Variants in KIAA0586 observed in about 807,000 individuals in gnomAD.
The protein encoded by KIAA0586 is KIAA0586.
A neutral mutation model predicts 169.8 loss-of-function variants in KIAA0586; 144 were observed. The ratio of observed to expected loss-of-function variants is 0.85; its 90% CI spans 0.74 to 0.97. KIAA0586 has a LOEUF of 0.97. Among genes scored for constraint, KIAA0586 ranks in the 50% least tolerant of loss-of-function variants. The pLI is 0.00. For synonymous variants in KIAA0586, 625 were observed against 612.4 expected, an observed-to-expected ratio of 1.02 and a Z score of -0.30; for missense variants, 1,854 against 1,823.0, an observed-to-expected ratio of 1.02 and a Z score of -0.31.
intron 3 of KIAA0586, among the ~76,000 whole-genome samples, chr14:58,431,211 G>A (rs990332992): frequency 1.3e-5 from 2 of 152,190 alleles, no homozygotes; most frequent in African/African-American, 4.8e-5. Flanking sequence ...TTGCAATGGT[G>A]AAGGTTATCT....
rs531473011 is a variant in KIAA0586, at chr14:58,510,952, T to G, written c.4324-1570T>G. On this transcript the variant is annotated intron_variant, in intron 28 of 30. Coordinates refer to ENST00000652326, the MANE Select transcript of KIAA0586 (RefSeq NM_001329943.3). ...TAATAGCATTTCAGTTATTTTGGGGTGATGGTAGGAGTTAGAGGTGGAAAG... is the reference window on the plus strand; with the variant it reads ...TAATAGCATTTCAGTTATTTTGGGGGGATGGTAGGAGTTAGAGGTGGAAAG... Among the ~76,000 whole-genome samples the G allele has an allele frequency of 2.6e-5, 4 of 151,588 alleles. 1 individual carries two copies.
At chr14:58,455,807 G>A (rs2039787474) in intron 9 of KIAA0586, among the ~76,000 whole-genome samples, 1 of 152,094 alleles carries the variant, frequency 6.6e-6, no homozygotes, top group Non-Finnish European at 1.5e-5. Context: ...CCTCAAGGTC[G>A]GAAGTGAGTG....
At position 58,461,150 on chromosome 14, in the gene KIAA0586, A is replaced by G; in HGVS notation, c.2049A>G (p.Glu683=). Residue 683 remains glutamate, a synonymous_variant, in exon 14 of 31, where the codon GAA becomes GAG. Coordinates refer to ENST00000652326, the MANE Select transcript of KIAA0586 (RefSeq NM_001329943.3). ...GACCACAGAGACCAAAAGTAATAGAACGAGTTAAAGGTAAGGAATCTCATT... is the reference window on the plus strand; with the variant it reads ...GACCACAGAGACCAAAAGTAATAGAGCGAGTTAAAGGTAAGGAATCTCATT... ...KSRPQRPKVI[E]RVKGTKVKSI... 1 of 1,580,796 alleles carries G rather than the reference A, an allele frequency of 6.3e-7. No homozygotes were observed. Among genetic ancestry groups the G allele is most frequent in the African/African-American group, 1.4e-5 (1 of 72,824 alleles).
chr14:58,536,884 C>T (rs2046320697), intron 29 of KIAA0586: 1 of 212,372 alleles, frequency 4.7e-6, no homozygotes, highest in African/African-American at 2.4e-5. Flanking sequence ...AACTCAATTT[C>T]TAGTCAGCAT....
rs763185199 is a variant in KIAA0586, at chr14:58,430,724, G to A, written c.340+7G>A. ...GAGAACAACAAGCAAAAAGGTAAAA[G>A]AATAATATTGATTTTTTTAAATTGT... On this transcript the variant is annotated splice_region_variant and intron_variant, in intron 3 of 30. Coordinates refer to ENST00000652326, the MANE Select transcript of KIAA0586 (RefSeq NM_001329943.3). 1 of 1,511,832 alleles carries A rather than the reference G, an allele frequency of 6.6e-7. No homozygotes were observed. The highest frequency in any genetic ancestry group is 9.1e-7 in the Non-Finnish European group (1 of 1,094,818). The allele number at this position is 1,511,832 out of a possible 1,614,324, so 93.7% of individuals were successfully genotyped here. A position where few individuals can be genotyped will look rare whatever the true frequency, so the allele number is the denominator to read the frequency against.
intron 8 of KIAA0586, among the ~76,000 whole-genome samples, chr14:58,452,084 T>C (rs1447410495): frequency 6.6e-6 from 1 of 152,138 alleles, no homozygotes; most frequent in African/African-American, 2.4e-5. Flanking sequence ...GCTATGATAA[T>C]GCAAAGCCAT....
chr14:58,429,463 C>T (rs773375586), intron 2 of KIAA0586, 30 bp downstream of exon 2: 3 of 1,274,910 alleles, frequency 2.4e-6, no homozygotes, highest in East Asian at 2.3e-5. Flanking sequence ...ATTATGCTCA[C>T]GTTAAAATTT....
intron 4 of KIAA0586, among the ~76,000 whole-genome samples, chr14:58,440,441 C>T (rs2038228341): frequency 6.6e-6 from 1 of 152,184 alleles, no homozygotes; most frequent in Non-Finnish European, 1.5e-5. Flanking sequence ...AAGCGATTCT[C>T]CTGCCTCAGC....
intron 29 of KIAA0586, among the ~76,000 whole-genome samples, chr14:58,539,080 T>G (rs1453425433): frequency 1.3e-5 from 2 of 152,178 alleles, no homozygotes; most frequent in Non-Finnish European, 2.9e-5. Context: ...TCACCCAGAC[T>G]GTTTTTATTT....
At chr14:58,432,004 A>G (rs1212287284) in intron 3 of KIAA0586, among the ~76,000 whole-genome samples, 1 of 152,178 alleles carries the variant, frequency 6.6e-6, no homozygotes, top group Non-Finnish European at 1.5e-5. Context: ...GTATAGGACC[A>G]TGTCATCAGT....
rs1162441693 is a variant in KIAA0586, at chr14:58,457,851, A to G, written c.1455A>G (p.Lys485=). Reference sequence around the variant, plus strand: ...CCAATACAACAAGATCTGTATTGAAAGATGCTGAGAAGATTTTGAGAGGAG... The same window carrying G: ...CCAATACAACAAGATCTGTATTGAAGGATGCTGAGAAGATTTTGAGAGGAG... ...QTTNTTRSVL[K]DAEKILRGVQ... The change falls in exon 11 of 31, where the codon AAA becomes AAG. Residue 485 remains lysine (K), a synonymous_variant. Transcript: ENST00000652326. 4 of 1,608,708 alleles carry G rather than the reference A, an allele frequency of 2.5e-6. No homozygotes were observed. Among genetic ancestry groups the G allele is most frequent in the Non-Finnish European group, 3.4e-6 (4 of 1,177,192 alleles).
chr14:58,442,811 A>G lies in KIAA0586; in HGVS notation c.516A>G (p.Gly172=). ...AGGAGACTAGAATTTCACCCAGTGGAATTGATTCAGCTACAACCGTGGCTG... is the reference window on the plus strand; with the variant it reads ...AGGAGACTAGAATTTCACCCAGTGGGATTGATTCAGCTACAACCGTGGCTG... ...VTQETRISPS[G]IDSATTVAAA... is the part of the protein sequence containing the mutation. The change falls in exon 5 of 31, where the codon GGA becomes GGG. Residue 172 remains glycine, a synonymous_variant. Coordinates refer to ENST00000652326, the MANE Select transcript of KIAA0586 (RefSeq NM_001329943.3). 1 of 1,610,326 alleles carries G rather than the reference A, an allele frequency of 6.2e-7. No individual in the cohort carries two copies. The highest frequency in any genetic ancestry group is 8.5e-7 in the Non-Finnish European group (1 of 1,178,112).
chr14:58,490,908 G>GT (rs949558152), intron 25 of KIAA0586, among the ~76,000 whole-genome samples: 21 of 152,018 alleles, frequency 1.4e-4, no homozygotes, highest in African/African-American at 3.1e-4. Context: ...CATTGTTGCT[G>GT]TTTTTTTAAG....
At chr14:58,473,617 G>A (rs977677595) in intron 18 of KIAA0586, among the ~76,000 whole-genome samples, 2 of 152,104 alleles carry the variant, frequency 1.3e-5, no homozygotes, top group Non-Finnish European at 2.9e-5. Flanking sequence ...AAAGAAAAGA[G>A]ACTTAAGGCC....
At chr14:58,490,618 T>G (rs562112368) in intron 25 of KIAA0586, among the ~76,000 whole-genome samples, 1 of 152,180 alleles carries the variant, frequency 6.6e-6, no homozygotes, top group East Asian at 1.9e-4. Flanking sequence ...TGATTATAAT[T>G]CTTTGTGCTA....
intron 3 of KIAA0586, 113 bp downstream of exon 3, chr14:58,430,830 A>G (rs1271658399): frequency 5.0e-6 from 3 of 605,754 alleles, no homozygotes; most frequent in East Asian, 3.0e-5. Flanking sequence ...TTGTTGTACA[A>G]TCATCATCAC....
At chr14:58,500,205 G>A (rs1437876713) in intron 27 of KIAA0586, among the ~76,000 whole-genome samples, 1 of 152,086 alleles carries the variant, frequency 6.6e-6, no homozygotes, top group Non-Finnish European at 1.5e-5. Context: ...TGAGCCTCTG[G>A]TCATAACATT....
At chr14:58,493,143 T>A (rs1467521802) in intron 26 of KIAA0586, among the ~76,000 whole-genome samples, 1 of 152,068 alleles carries the variant, frequency 6.6e-6, no homozygotes, top group Non-Finnish European at 1.5e-5. Context: ...ACAAAGACAG[T>A]TACAGCAGAA....
At chr14:58,504,137 A>G (rs1480042851) in intron 27 of KIAA0586, among the ~76,000 whole-genome samples, 1 of 152,220 alleles carries the variant, frequency 6.6e-6, no homozygotes, top group Non-Finnish European at 1.5e-5. Flanking sequence ...TAGCAAGATC[A>G]TCTGAGATGC....
Sources: gnomAD v4.1 joint callset for allele counts (sites outside exome capture counted in the v4.1 genomes callset) on GRCh38, gnomAD v4.1.1 for gene constraint, MANE v1.5 for transcripts, NCBI Gene and HGNC (gene_info 2026-07-23, HGNC 2026-07-21) for gene names.